Variants in ZNF18 observed in about 807,000 individuals in gnomAD.
ZNF18 encodes heart development-specific gene 1 protein.
A neutral mutation model predicts 58.1 loss-of-function variants in ZNF18; 42 were observed. That is an observed-to-expected ratio of 0.72 (90% confidence interval 0.56 to 0.93). The LOEUF (loss-of-function observed/expected upper bound fraction) is 0.93. Ranked by LOEUF, ZNF18 falls within the 40% of genes least tolerant of loss-of-function variation. ZNF18 has a pLI of 0.00. For missense variants in ZNF18, 540 were observed against 644.2 expected, an observed-to-expected ratio of 0.84 and a Z score of 1.75; for synonymous variants, 231 against 239.8, an observed-to-expected ratio of 0.96 and a Z score of 0.34.
chr17:11,998,692 T>C (rs926296641), upstream of ZNF18, among the ~76,000 whole-genome samples: 2 of 152,202 alleles, frequency 1.3e-5, no homozygotes, highest in Non-Finnish European at 2.9e-5. Context: ...GGGATGGGAT[T>C]ACATCTTCAT....
At chr17:12,020,833 C>G in the ZNF18 span, 6 of 848,808 alleles carry the variant, frequency 7.1e-6, no homozygotes, top group Non-Finnish European at 9.3e-6. Context: ...TGCGAGAGGC[C>G]GAGCTTGCTG....
At position 11,978,553 on chromosome 17, in the gene ZNF18, C is replaced by T. The variant is rs1342173715; in HGVS notation, c.1054G>A (p.Asp352Asn). Reference sequence around the variant, plus strand: ...GACAGCTGTTCCCCTGTTCCCTCATCCTGAATGTTTTGCAGAGCCTCAGGG... The same window carrying T: ...GACAGCTGTTCCCCTGTTCCCTCATTCTGAATGTTTTGCAGAGCCTCAGGG... ...NLPEALQNIQ[D>N]EGTGEQLSPQ... The change falls in exon 7 of 7, where the codon GAT becomes AAT. Residue 352 changes from aspartate to asparagine, a missense_variant. Asp to Asn is a conservative substitution (Grantham distance 23). Coordinates refer to ENST00000580306, the MANE Select transcript of ZNF18 (RefSeq NM_001303281.2). 6.2e-7 allele frequency: 1 copy of T among 1,613,498 alleles called. No homozygotes were observed. The highest frequency in any genetic ancestry group is 8.5e-7 in the Non-Finnish European group (1 of 1,179,888).
At chr17:11,984,754 G>A (rs192796031) in intron 4 of ZNF18, among the ~76,000 whole-genome samples, 16 of 152,132 alleles carry the variant, frequency 1.1e-4, no homozygotes, top group African/African-American at 2.9e-4. Flanking sequence ...TGATCTGCCC[G>A]CCTTGGCCTC....
chr17:12,017,938 C>G, the ZNF18 span, among the ~76,000 whole-genome samples: 1,032 of 152,054 alleles, frequency 6.8e-3, 11 homozygotes, highest in East Asian at 0.047. Context: ...AAAAAACAAG[C>G]AAGCTAGATT....
At chr17:12,020,856 C>G in the ZNF18 span, 1 of 1,012,398 alleles carries the variant, frequency 9.9e-7, no homozygotes, top group Non-Finnish European at 1.3e-6. Flanking sequence ...TTGCAGCCGC[C>G]GCGGCGCCGC....
At chr17:12,012,619 TTG>T in the ZNF18 span, among the ~76,000 whole-genome samples, 7 of 152,344 alleles carry the variant, frequency 4.6e-5, no homozygotes, top group South Asian at 2.1e-4. Flanking sequence ...CATCAATATA[TTG>T]TGTTATTAAA....
At chr17:11,996,750 C>T (rs962855043) in intron 1 of ZNF18, 1 of 152,190 alleles carries the variant, frequency 6.6e-6, no homozygotes, top group Non-Finnish European at 1.5e-5. Context: ...TTGTTAAGCA[C>T]CTACTACGTA....
Position 11,978,612 on chromosome 17 carries a change from T to A in ZNF18, c.995A>T (p.Asp332Val). 6.2e-7 allele frequency: 1 copy of A among 1,614,116 alleles called. No individual in the cohort carries two copies. The highest frequency in any genetic ancestry group is 8.5e-7 in the Non-Finnish European group (1 of 1,180,028). ...TCCTTCTCCAAAGCATCCTGGCTCATCCTCAGTGAAGAAGCCCCTCAAGGA... is the reference window on the plus strand; with the variant it reads ...TCCTTCTCCAAAGCATCCTGGCTCAACCTCAGTGAAGAAGCCCCTCAAGGA... ...QASLRGFFTE[D>V]EPGCFGEGEN... The change falls in exon 7 of 7, where the codon GAT (aspartate) becomes GTT (valine). Residue 332 changes from aspartate (D) to valine (V), a missense_variant. By Grantham distance (152) the Asp-to-Val change is radical. Coordinates refer to ENST00000580306, the MANE Select transcript of ZNF18 (RefSeq NM_001303281.2).
the ZNF18 span, among the ~76,000 whole-genome samples, chr17:12,019,497 G>A: frequency 1.3e-5 from 2 of 152,124 alleles, no homozygotes; most frequent in East Asian, 3.8e-4. Flanking sequence ...ATTTCCAGAT[G>A]GGAATCTGGC....
upstream of ZNF18, among the ~76,000 whole-genome samples, chr17:11,997,712 C>T (rs912158416): frequency 6.6e-6 from 1 of 152,230 alleles, no homozygotes; most frequent in African/African-American, 2.4e-5. Context: ...TCACTTCTCA[C>T]CCGTCATTTA....
the ZNF18 span, chr17:12,021,016 C>T: frequency 8.3e-7 from 1 of 1,198,692 alleles, no homozygotes; most frequent in Non-Finnish European, 1.0e-6. Flanking sequence ...GGAACGCGGC[C>T]GCGCCGAGAT....
chr17:12,016,528 C>T, the ZNF18 span, among the ~76,000 whole-genome samples: 31 of 152,086 alleles, frequency 2.0e-4, no homozygotes, highest in African/African-American at 5.5e-4. Context: ...TGGGGTTTCG[C>T]GATGTTGCCC....
At chr17:12,013,422 T>C in the ZNF18 span, among the ~76,000 whole-genome samples, 2 of 152,244 alleles carry the variant, frequency 1.3e-5, no homozygotes, top group African/African-American at 4.8e-5. Flanking sequence ...GATGGGCTTA[T>C]CTTATATCTT....
Position 11,978,237 on chromosome 17 carries a change from G to C in ZNF18, c.1370C>G (p.Thr457Ser), listed in dbSNP as rs750526470. 1.9e-6 allele frequency: 3 copies of C among 1,613,600 alleles called. No individual in the cohort carries two copies. Among genetic ancestry groups the C allele is most frequent in the Non-Finnish European group, 2.5e-6 (3 of 1,179,816 alleles). Residue 457 changes from threonine to serine, a missense_variant, in exon 7 of 7, where the codon ACT (threonine) becomes AGT (serine). Thr to Ser is a moderately conservative substitution (Grantham distance 58). Transcript: ENST00000580306. ...RSSDFVKHQRTHTGEKPCKCD... is the reference protein window; with the variant it reads ...RSSDFVKHQRSHTGEKPCKCD... Reference sequence around the variant, plus strand: ...TTTACAGGGCTTCTCTCCCGTGTGAGTTCTCTGATGCTTCACAAAGTCTGA... The same window carrying C: ...TTTACAGGGCTTCTCTCCCGTGTGACTTCTCTGATGCTTCACAAAGTCTGA...
the ZNF18 span, chr17:12,020,900 G>C: frequency 8.2e-7 from 1 of 1,213,614 alleles, no homozygotes; most frequent in Non-Finnish European, 1.0e-6. Flanking sequence ...GCGGCTCCGA[G>C]CCCGAGCGGC....
intron 2 of ZNF18, among the ~76,000 whole-genome samples, chr17:11,991,372 A>G (rs537616980): frequency 6.6e-6 from 1 of 152,358 alleles, no homozygotes; most frequent in East Asian, 1.9e-4. Flanking sequence ...CAGGCGTGGG[A>G]GACCTTCAAG....
rs1406680832 is a variant in ZNF18, at chr17:11,978,354, T to A, written c.1253A>T (p.Tyr418Phe). The A allele has an allele frequency of 5.7e-6, 9 of 1,574,880 alleles. No homozygotes were observed. The highest frequency in any genetic ancestry group is 7.7e-6 in the Non-Finnish European group (9 of 1,163,582). The change falls in exon 7 of 7, where the codon TAT becomes TTT. Residue 418 changes from tyrosine to phenylalanine, a missense_variant. Physicochemically the swap from Tyr to Phe is conservative, Grantham distance 22. Coordinates refer to ENST00000580306, the MANE Select transcript of ZNF18 (RefSeq NM_001303281.2). ...PTCRECGKTFYRNSQLIFHQR... is the reference protein window; with the variant it reads ...PTCRECGKTFFRNSQLIFHQR... The stretch of plus-strand genomic sequence containing the variant: ...GTGAAAAATAAGCTGAGAATTCCTA[T>A]AAAAGGTCTTCCCACACTCCCTGCA...
At chr17:12,010,696 G>A in the ZNF18 span, 76 of 198,294 alleles carry the variant, frequency 3.8e-4, no homozygotes, top group Middle Eastern at 2.1e-3. Flanking sequence ...GATTACAGGC[G>A]TGAGCCACTG....
chr17:12,004,088 G>T, the ZNF18 span, among the ~76,000 whole-genome samples: 1 of 152,040 alleles, frequency 6.6e-6, no homozygotes, highest in African/African-American at 2.4e-5. Context: ...AAAATTAGCC[G>T]GGTGCAGTGG....
Sources: gnomAD v4.1 joint callset for allele counts (sites outside exome capture counted in the v4.1 genomes callset) on GRCh38, gnomAD v4.1.1 for gene constraint, MANE v1.5 for transcripts, NCBI Gene and HGNC (gene_info 2026-07-23, HGNC 2026-07-21) for gene names.